CFAP57: variants seen among roughly 807,000 people sequenced by gnomAD.
CFAP57 encodes the protein cilia- and flagella-associated protein 57.
In CFAP57, 116 loss-of-function variants were observed where a neutral mutation model predicts 146.8. The observed-to-expected ratio is 0.79, with a 90% CI of 0.68 to 0.92. The LOEUF (loss-of-function observed/expected upper bound fraction) is 0.92. CFAP57 is among the 40% of genes least tolerant of loss of function. CFAP57 has a pLI of 0.00. For synonymous variants in CFAP57, 518 were observed against 552.8 expected (o/e 0.94, Z 0.88); for missense variants, 1,377 against 1,527.2 (o/e 0.90, Z 1.64).
chr1:43,184,924 C>T (rs957592459), intron 4 of CFAP57: 1 of 528,036 alleles, frequency 1.9e-6, no homozygotes, highest in Non-Finnish European at 3.4e-6. Flanking sequence ...CTACAACTCT[C>T]GCCTCTGTCT....
chr1:43,224,566 A>G (rs2124571917), intron 17 of CFAP57, among the ~76,000 whole-genome samples: 1 of 152,326 alleles, frequency 6.6e-6, no homozygotes, highest in Admixed American at 6.5e-5. Context: ...GCGCTTCCCC[A>G]TGGGCTGGGG....
At chr1:43,177,779 G>T (rs1158610713) in intron 2 of CFAP57, among the ~76,000 whole-genome samples, 1 of 152,208 alleles carries the variant, frequency 6.6e-6, no homozygotes, top group Admixed American at 6.5e-5. Flanking sequence ...TCACAACAGG[G>T]TTTGTGCTGC....
At chr1:43,193,364 C>T (rs1395700917) in intron 6 of CFAP57, among the ~76,000 whole-genome samples, 2 of 152,180 alleles carry the variant, frequency 1.3e-5, no homozygotes, top group East Asian at 1.9e-4. Flanking sequence ...AATGTTATTA[C>T]TGGTATAGTT....
chr1:43,219,392 T>A lies in CFAP57; in HGVS notation c.2102T>A (p.Met701Lys). 6.5e-7 allele frequency: 1 copy of A among 1,550,342 alleles called. No homozygotes were observed. Among genetic ancestry groups the A allele is most frequent in the East Asian group, 2.4e-5 (1 of 40,918 alleles). Residue 701 changes from methionine to lysine, a missense_variant, in exon 13 of 23, where the codon ATG (methionine) becomes AAG (lysine). Met to Lys is a moderately conservative substitution (Grantham distance 95). Transcript: ENST00000372492. ...GTCCTTCTCCCAAAGGCTCAGGTTA[T>A]GTTGGAGCTAAAGACTCGTGTGGAG... The part of the protein sequence containing the change: ...KTDMEEKAQV[M>K]LELKTRVEEL...
At chr1:43,190,096 G>A (rs1643402228) in intron 6 of CFAP57, among the ~76,000 whole-genome samples, 1 of 152,206 alleles carries the variant, frequency 6.6e-6, no homozygotes, top group Admixed American at 6.5e-5. Context: ...ATAAGATCAT[G>A]ACATCTGCAA....
chr1:43,224,509 A>G (rs996013935), intron 17 of CFAP57, among the ~76,000 whole-genome samples: 2 of 152,216 alleles, frequency 1.3e-5, no homozygotes, highest in African/African-American at 4.8e-5. Flanking sequence ...GACAGGCTGC[A>G]ATAAGAACCG....
At chr1:43,190,362 C>G (rs1643429892) in intron 6 of CFAP57, among the ~76,000 whole-genome samples, 1 of 151,392 alleles carries the variant, frequency 6.6e-6, no homozygotes, top group African/African-American at 2.4e-5. Context: ...GCTCCACCTA[C>G]CGGGTTCATG....
At chr1:43,219,560 C>T in intron 13 of CFAP57, 23 bp downstream of exon 13, 1 of 1,550,026 alleles carries the variant, frequency 6.5e-7, no homozygotes, top group Non-Finnish European at 8.7e-7. Flanking sequence ...GACTGACCAA[C>T]AAGCACAAAT....
Position 43,173,337 on chromosome 1 carries a change from C to T in CFAP57, c.157+427C>T, listed in dbSNP as rs575654420. Among the ~76,000 whole-genome samples, 3 of 152,294 alleles carry T rather than the reference C, an allele frequency of 2.0e-5. No individual in the cohort carries two copies. In the South Asian group the frequency reaches 6.2e-4, roughly 32 times the overall value. On this transcript the variant is annotated intron_variant, in intron 2 of 22. Transcript: ENST00000372492. ...AAGTCGCAAATAACCATTTGTATAG[C>T]ATTACAGCCCTTATTTTTGTTCACA... is the stretch of plus-strand genomic sequence containing the variant.
At chr1:43,181,964 C>G in intron 3 of CFAP57, 114 bp downstream of exon 3, 1 of 1,209,422 alleles carries the variant, frequency 8.3e-7, no homozygotes, top group Non-Finnish European at 1.2e-6. Context: ...AAAATTTATT[C>G]TTACAACAAC....
At chr1:43,173,831 G>A (rs527883258) in intron 2 of CFAP57, among the ~76,000 whole-genome samples, 1 of 152,276 alleles carries the variant, frequency 6.6e-6, no homozygotes, top group East Asian at 1.9e-4. Flanking sequence ...ACACAGCCAG[G>A]ACTAAAATTA....
intron 5 of CFAP57, among the ~76,000 whole-genome samples, chr1:43,186,490 T>A (rs1436942307): frequency 6.6e-6 from 1 of 151,406 alleles, no homozygotes; most frequent in Non-Finnish European, 1.5e-5. Flanking sequence ...GGGCGGCTGT[T>A]GTCCCAGCTA....
At chr1:43,231,760 C>T (rs976125105) in intron 18 of CFAP57, among the ~76,000 whole-genome samples, 24 of 151,556 alleles carry the variant, frequency 1.6e-4, no homozygotes, top group Middle Eastern at 3.4e-3. Context: ...CCCAGCTACT[C>T]GGGAGGCTGA....
intron 10 of CFAP57, among the ~76,000 whole-genome samples, chr1:43,208,905 A>G (rs901492465): frequency 1.1e-4 from 16 of 152,214 alleles, no homozygotes; most frequent in African/African-American, 3.9e-4. Context: ...GTCCCACCTT[A>G]CCCACAGTTT....
intron 13 of CFAP57, among the ~76,000 whole-genome samples, chr1:43,220,576 G>T (rs997070319): frequency 6.6e-6 from 1 of 152,142 alleles, no homozygotes; most frequent in Non-Finnish European, 1.5e-5. Context: ...AATAAAAAAT[G>T]AGTCTGCCAT....
Position 43,186,876 on chromosome 1 carries a change from A to T in CFAP57, c.1122+17A>T, listed in dbSNP as rs748531078. 1.2e-6 allele frequency: 2 copies of T among 1,613,918 alleles called. No individual in the cohort carries two copies. Among genetic ancestry groups the T allele is most frequent in the Admixed American group, 1.7e-5 (1 of 59,998 alleles). ...ATCAGCAAGGTGAGTCTTTCCAGCA[A>T]TGGTCCTTCCAGACCAGGACCTATC... On this transcript the variant is annotated intron_variant, in intron 6 of 22. Coordinates refer to ENST00000372492, the MANE Select transcript of CFAP57 (RefSeq NM_001378189.1).
At chr1:43,225,753 G>A (rs976365029) in intron 17 of CFAP57, among the ~76,000 whole-genome samples, 1 of 152,220 alleles carries the variant, frequency 6.6e-6, no homozygotes, top group Non-Finnish European at 1.5e-5. Flanking sequence ...TTAAGGGCAA[G>A]GGACTGTGTT....
At chr1:43,179,143 G>A (rs2094031) in intron 2 of CFAP57, among the ~76,000 whole-genome samples, 17,096 of 152,032 alleles carry the variant, frequency 0.11, 1,353 homozygotes, top group East Asian at 0.29. Context: ...TGTGGGGTGC[G>A]GGGAGGGGGA....
At chr1:43,191,325 C>T (rs776005653) in intron 6 of CFAP57, among the ~76,000 whole-genome samples, 2 of 152,078 alleles carry the variant, frequency 1.3e-5, no homozygotes, top group African/African-American at 2.4e-5. Flanking sequence ...TGGTGGCTCA[C>T]GCCTGCAATC....
Sources: allele counts gnomAD v4.1 joint callset (sites outside exome capture counted in the v4.1 genomes callset), GRCh38; gene constraint gnomAD v4.1.1; transcripts MANE v1.5; gene names NCBI Gene and HGNC (gene_info 2026-07-23, HGNC 2026-07-21).